The following ASPG variants were observed in gnomAD, a reference collection of about 807,000 sequenced individuals.
ASPG encodes the protein 60 kDa lysophospholipase.
A neutral mutation model predicts 63.2 loss-of-function variants in ASPG; 53 were observed. The ratio of observed to expected loss-of-function variants is 0.84; its 90% CI spans 0.67 to 1.05. ASPG has a LOEUF of 1.05. Ranked by LOEUF, ASPG falls within the 50% of genes least tolerant of loss-of-function variation. ASPG has a pLI of 0.00. For synonymous variants in ASPG, 370 were observed against 355.0 expected, an observed-to-expected ratio of 1.04 and a Z score of -0.48; for missense variants, 741 against 794.4, an observed-to-expected ratio of 0.93 and a Z score of 0.81.
intron 2 of ASPG, 120 bp downstream of exon 2, chr14:104,092,861 C>A: frequency 1.2e-6 from 1 of 812,120 alleles, no homozygotes; most frequent in South Asian, 1.6e-5. Context: ...TCTCTAACAT[C>A]CCCTCAGCTT....
In ASPG at chr14:104,106,825, G is replaced by C. The variant is rs1321394714; in HGVS notation, c.1200G>C (p.Leu400=). 11 of 1,601,008 alleles carry C rather than the reference G, an allele frequency of 6.9e-6. No individual in the cohort carries two copies. The highest frequency in any genetic ancestry group is 9.4e-6 in the Non-Finnish European group (11 of 1,175,430). ...AGGCAGATGCCCTGCGGAATGCCCT[G>C]GTGCCCAGCCTGGCCTGTGCTGCTG... ...SQEADALRNA[L]VPSLACAAAH... is the part of the protein sequence containing the mutation. The change falls in exon 11 of 16, where the codon CTG becomes CTC. Residue 400 remains leucine, a synonymous_variant. Transcript: ENST00000551177.
rs748908447 is a variant in ASPG at position 104,085,798 on chromosome 14, A to G, written c.28A>G (p.Arg10Gly). 6.3e-7 allele frequency: 1 copy of G among 1,588,944 alleles called. No homozygotes were observed. The highest frequency in any genetic ancestry group is 1.7e-5 in the Admixed American group (1 of 58,854). The change falls in exon 1 of 16, where the codon AGG becomes GGG. Residue 10 changes from arginine to glycine, a missense_variant. By Grantham distance (125) the Arg-to-Gly change is moderately radical. Coordinates refer to ENST00000551177, the MANE Select transcript of ASPG (RefSeq NM_001080464.3). MARAVGPERRLLAVYTGGTI... is the reference protein window; with the variant it reads MARAVGPERGLLAVYTGGTI... ...GGCGCGCGCGGTGGGGCCCGAGCGG[A>G]GGCTGCTGGCCGTCTACACCGGCGG...
At chr14:104,092,934 C>T (rs543527706) in intron 2 of ASPG, 193 bp downstream of exon 2, 70 of 586,194 alleles carry the variant, frequency 1.2e-4, no homozygotes, top group African/African-American at 5.4e-4. Flanking sequence ...GAGGGTGCCC[C>T]GTGCCTGGTC....
chr14:104,105,390 A>G lies in ASPG; in HGVS notation c.1113A>G (p.Ser371=). Residue 371 remains serine (S), a synonymous_variant, in exon 10 of 16, where the codon TCA becomes TCG. Coordinates refer to ENST00000551177, the MANE Select transcript of ASPG (RefSeq NM_001080464.3). ...TPPSVEERRP[S]LQGNTLGGGV... ...CCTCGGTGGAAGAGCGCCGGCCCTC[A>G]CTGCAGGGCAACACGCTGGGCGGTG... is the stretch of plus-strand genomic sequence containing the variant. 6.2e-7 allele frequency: 1 copy of G among 1,612,304 alleles called. No homozygotes were observed. Among genetic ancestry groups the G allele is most frequent in the Non-Finnish European group, 8.5e-7 (1 of 1,179,654 alleles).
chr14:104,096,397 G>T (rs1004979835), intron 4 of ASPG, among the ~76,000 whole-genome samples: 2 of 152,172 alleles, frequency 1.3e-5, no homozygotes, highest in East Asian at 1.9e-4. Context: ...CTCTTAGGAG[G>T]TCTGCGGGGA....
intron 2 of ASPG, 114 bp downstream of exon 2, chr14:104,092,855 T>A: frequency 1.2e-6 from 1 of 840,018 alleles, no homozygotes; most frequent in Non-Finnish European, 1.9e-6. Context: ...CCCCTGTCTC[T>A]AACATCCCCT....
chr14:104,107,438 C>T (rs1049634187), intron 12 of ASPG, 93 bp downstream of exon 12: 181 of 1,246,154 alleles, frequency 1.5e-4, no homozygotes, highest in Non-Finnish European at 1.8e-4. Context: ...CGGGGCTGGG[C>T]TGGGAGAGGT....
rs9707477 is a variant in ASPG at position 104,098,049 on chromosome 14, G to A, written c.513+412G>A. On this transcript the variant is annotated intron_variant, in intron 5 of 15. Coordinates refer to ENST00000551177, the MANE Select transcript of ASPG (RefSeq NM_001080464.3). The stretch of plus-strand genomic sequence containing the variant: ...CGTTAGAGATGCGTATGGAGGTTTT[G>A]CGTTAGAGATGCGTATGGAGGTTTT... Among the ~76,000 whole-genome samples, 275 of 44,062 alleles carry A rather than the reference G, an allele frequency of 6.2e-3. 13 individuals carry two copies. Among genetic ancestry groups the A allele is most frequent in the Middle Eastern group, 0.011 (1 of 90 alleles). 28.9% of individuals were successfully genotyped at this position (44,062 alleles called of 152,430 possible).
At chr14:104,095,312 C>T (rs753708254) in intron 3 of ASPG, among the ~76,000 whole-genome samples, 3 of 152,180 alleles carry the variant, frequency 2.0e-5, no homozygotes, top group African/African-American at 4.8e-5. Flanking sequence ...GTGGTGGGTG[C>T]ACCCGAGTGG....
intron 7 of ASPG, 46 bp downstream of exon 7, chr14:104,103,721 G>T: frequency 6.7e-7 from 1 of 1,494,802 alleles, no homozygotes. Context: ...CTGAGCCCCA[G>T]CCCTCTGCAG....
intron 1 of ASPG, among the ~76,000 whole-genome samples, chr14:104,090,671 A>C (rs1053251086): frequency 6.6e-6 from 1 of 152,194 alleles, no homozygotes; most frequent in African/African-American, 2.4e-5. Flanking sequence ...CCCTGTCGTC[A>C]TATGGCCTTC....
intron 1 of ASPG, among the ~76,000 whole-genome samples, chr14:104,088,297 C>A (rs1054887125): frequency 6.6e-6 from 1 of 152,152 alleles, no homozygotes; most frequent in African/African-American, 2.4e-5. Context: ...ACGCTGCACA[C>A]CTGGAGCCCT....
intron 6 of ASPG, among the ~76,000 whole-genome samples, chr14:104,100,861 G>T (rs2036843581): frequency 6.6e-6 from 1 of 152,230 alleles, no homozygotes; most frequent in Non-Finnish European, 1.5e-5. Context: ...AAGAGGTGTG[G>T]GTGGTGCCCT....
At position 104,096,015 on chromosome 14, in the gene ASPG, C is replaced by T. The variant is rs1333468165; in HGVS notation, c.429+359C>T. ...TCTCCATCTGGCGCATCAGGGTGGC[C>T]GCGCACAGAGCCGCACCAGGAGGCC... On this transcript the variant is annotated intron_variant, in intron 4 of 15. Coordinates refer to ENST00000551177, the MANE Select transcript of ASPG (RefSeq NM_001080464.3). Among the ~76,000 whole-genome samples, 7 of 152,306 alleles carry T rather than the reference C, an allele frequency of 4.6e-5. No individual in the cohort carries two copies. The East Asian group carries it at 5.8e-4, about 13-fold the overall frequency.
At chr14:104,088,644 A>C (rs1483219082) in intron 1 of ASPG, among the ~76,000 whole-genome samples, 1 of 152,164 alleles carries the variant, frequency 6.6e-6, no homozygotes, top group East Asian at 1.9e-4. Context: ...CCAGCAGTCG[A>C]GAGTGTCAGT....
At chr14:104,096,681 A>G (rs1616542) in intron 4 of ASPG, among the ~76,000 whole-genome samples, 116,189 of 152,164 alleles carry the variant, frequency 0.76, 44,524 homozygotes, top group East Asian at 0.88. Flanking sequence ...GTTCACATGC[A>G]TGTTGTCCTC....
Position 104,095,480 on chromosome 14 carries a change from C to A in ASPG, c.304-51C>A, listed in dbSNP as rs552919778. On this transcript the variant is annotated intron_variant, in intron 3 of 15. Coordinates refer to ENST00000551177, the MANE Select transcript of ASPG (RefSeq NM_001080464.3). ...CTTTCCCCCATGCTGCAACCTCCCC[C>A]ACACCTGCTTGCGAGGGGCTGGCCT... The A allele has an allele frequency of 1.2e-4, 199 of 1,608,988 alleles. 1 individual carries two copies. The highest frequency in any genetic ancestry group is 1.1e-4 in the Non-Finnish European group (129 of 1,178,916).
Position 104,109,810 on chromosome 14 carries a change from GC to G in ASPG, c.1520+499del, listed in dbSNP as rs1452959903. Among the ~76,000 whole-genome samples, 1 of 152,012 alleles carries G rather than the reference GC, an allele frequency of 6.6e-6. No homozygotes were observed. The highest frequency in any genetic ancestry group is 6.5e-5 in the Admixed American group (1 of 15,276). Reference sequence around the variant, plus strand: ...CCTGTCCTGGGATAAACTGACCTAGGCCCCGCCTCCACCTGCTGGCCGCATG... The same window carrying G: ...CCTGTCCTGGGATAAACTGACCTAGGCCCGCCTCCACCTGCTGGCCGCATG... On this transcript the variant is annotated intron_variant, in intron 13 of 15. Transcript: ENST00000551177. This position sits in a 1 kb window ranked among gnomAD's most constrained non-coding sequence, Gnocchi z 4.8.
chr14:104,105,293 T>C (rs1451543702), intron 9 of ASPG, 35 bp from the exon 10 acceptor site: 4 of 1,612,518 alleles, frequency 2.5e-6, no homozygotes, highest in Admixed American at 1.7e-5. Flanking sequence ...CATCCAGCCC[T>C]GGCAGAGCCA....
Sources: allele counts gnomAD v4.1 joint callset (sites outside exome capture counted in the v4.1 genomes callset), GRCh38; gene constraint gnomAD v4.1.1; non-coding constraint Gnocchi (gnomAD v3.1); transcripts MANE v1.5; gene names NCBI Gene and HGNC (gene_info 2026-07-23, HGNC 2026-07-21).